The following XIRP2 variants were observed in gnomAD, a reference collection of about 807,000 sequenced individuals.
XIRP2 encodes the protein xin actin binding repeat containing 2, also known as xin actin-binding repeat-containing protein 2.
A neutral mutation model predicts 277.0 loss-of-function variants in XIRP2; 236 were observed. That is an observed-to-expected ratio of 0.85 (90% CI 0.77 to 0.95). XIRP2 has a LOEUF of 0.95. Ranked by LOEUF, XIRP2 falls within the 40% of genes least tolerant of loss-of-function variation. The probability of loss-of-function intolerance (pLI) is 0.00; values close to 1 mark genes in which losing one functional copy is unlikely to be tolerated. For missense variants in XIRP2, 4,640 were observed against 4,157.5 expected (o/e 1.12, Z -3.19); for synonymous variants, 1,490 against 1,416.5 (o/e 1.05, Z -1.17).
intron 2 of XIRP2, among the ~76,000 whole-genome samples, chr2:167,080,891 AT>A (rs1253025912): frequency 2.0e-5 from 3 of 152,128 alleles, no homozygotes; most frequent in African/African-American, 7.2e-5. Flanking sequence ...ATATTTTATA[AT>A]TTCTAAAATA....
chr2:167,234,322 G>A lies in XIRP2; in HGVS notation c.859-5533G>A, dbSNP rs73029745. Among the ~76,000 whole-genome samples the A allele has an allele frequency of 4.1e-3, 624 of 151,208 alleles. 5 individuals carry two copies. Among genetic ancestry groups the A allele is most frequent in the African/African-American group, 0.015 (611 of 41,368 alleles). ...TATGCAATATATCTGCATAATTCAT[G>A]CTTTGGTATATATTTGGCATTCTTG... On this transcript the variant is annotated intron_variant, in intron 5 of 10. Coordinates refer to ENST00000409195, the MANE Select transcript of XIRP2 (RefSeq NM_152381.6).
In XIRP2 at chr2:167,244,299, A is replaced by G. The variant is rs763389792; in HGVS notation, c.2907A>G (p.Glu969=). 4.5e-5 allele frequency: 73 copies of G among 1,613,800 alleles called. No individual in the cohort carries two copies. The Admixed American group carries it at 5.3e-4, about 12-fold the overall frequency. Residue 969 remains glutamate (E), a synonymous_variant, in exon 9 of 11, where the codon GAA becomes GAG. Transcript: ENST00000409195. ...ATGCATCACATAAAATAGAGGTGGAAGGAGTTACAAGAGGTGCTGTAGAGT... is the reference window on the plus strand; with the variant it reads ...ATGCATCACATAAAATAGAGGTGGAGGGAGTTACAAGAGGTGCTGTAGAGT... ...KFDASHKIEV[E]GVTRGAVELN...
chr2:167,159,681 T>TAA (rs149003264), intron 3 of XIRP2, among the ~76,000 whole-genome samples: 45 of 152,054 alleles, frequency 3.0e-4, no homozygotes, highest in South Asian at 6.2e-4. Flanking sequence ...TTCATTAAAA[T>TAA]AAAAAAACAA....
Position 167,217,101 on chromosome 2 carries a change from G to A in XIRP2, c.724-1065G>A, listed in dbSNP as rs1434158762. Among the ~76,000 whole-genome samples, 5 of 142,266 alleles carry A rather than the reference G, an allele frequency of 3.5e-5. 1 individual carries two copies. Among genetic ancestry groups the A allele is most frequent in the African/African-American group, 1.3e-4 (5 of 37,172 alleles). 93.3% of individuals were successfully genotyped at this position (142,266 alleles called of 152,430 possible). On this transcript the variant is annotated intron_variant, in intron 4 of 10. Coordinates refer to ENST00000409195, the MANE Select transcript of XIRP2 (RefSeq NM_152381.6). ...TGAACAATGAGATCACATGGTCACA[G>A]GAAGGGGAATATCACACTCTGGGGA... is the stretch of plus-strand genomic sequence containing the variant.
intron 3 of XIRP2, among the ~76,000 whole-genome samples, chr2:167,159,145 G>A (rs73019954): frequency 1.2e-4 from 19 of 152,140 alleles, no homozygotes; most frequent in East Asian, 7.8e-4. Flanking sequence ...TTGGTATACC[G>A]GGGGAGGAAC....
At chr2:167,036,140 G>A (rs1688500891) in intron 2 of XIRP2, among the ~76,000 whole-genome samples, 1 of 152,234 alleles carries the variant, frequency 6.6e-6, no homozygotes, top group African/African-American at 2.4e-5. Context: ...CGGTGTGGAA[G>A]GGAAATATGA....
intron 3 of XIRP2, among the ~76,000 whole-genome samples, chr2:167,202,302 T>C (rs1693742752): frequency 6.6e-6 from 1 of 152,214 alleles, no homozygotes; most frequent in South Asian, 2.1e-4. Context: ...GATTAGATTT[T>C]CGTATATGCC....
At position 167,135,943 on chromosome 2, in the gene XIRP2, C is replaced by G. The variant is rs755576711; in HGVS notation, c.443C>G (p.Ala148Gly). ...VEIERSLCSPAFKSHPGSQLE... is the reference protein window; with the variant it reads ...VEIERSLCSPGFKSHPGSQLE... The stretch of plus-strand genomic sequence containing the variant: ...ATTGAGCGAAGTTTGTGCTCGCCAG[C>G]TTTTAAGAGTCACCCTGGGAGCCAG... Residue 148 changes from alanine (A) to glycine (G), a missense_variant, in exon 3 of 11, where the codon GCT becomes GGT. Ala to Gly is a moderately conservative substitution (Grantham distance 60). Coordinates refer to ENST00000409195, the MANE Select transcript of XIRP2 (RefSeq NM_152381.6). 7.5e-6 allele frequency: 12 copies of G among 1,605,660 alleles called. No individual in the cohort carries two copies. In the African/African-American group the frequency reaches 1.2e-4, roughly 16 times the overall value.
At chr2:167,226,782 C>T (rs1189188101) in intron 5 of XIRP2, among the ~76,000 whole-genome samples, 1 of 152,106 alleles carries the variant, frequency 6.6e-6, no homozygotes, top group African/African-American at 2.4e-5. Flanking sequence ...GTTCCCACAT[C>T]TCTCTGGGCC....
At chr2:166,891,279 A>G (rs1684097744) in intron 1 of XIRP2, among the ~76,000 whole-genome samples, 1 of 152,226 alleles carries the variant, frequency 6.6e-6, no homozygotes, top group South Asian at 2.1e-4. Context: ...TGGTTCACTT[A>G]ATAAATGTGA....
intron 2 of XIRP2, among the ~76,000 whole-genome samples, chr2:167,077,543 C>T (rs1368495068): frequency 2.6e-5 from 4 of 152,018 alleles, no homozygotes; most frequent in African/African-American, 9.7e-5. Flanking sequence ...AATGGAAGGG[C>T]ATAGGAACTG....
At chr2:167,024,045 G>A (rs1043390914) in intron 2 of XIRP2, among the ~76,000 whole-genome samples, 2 of 152,068 alleles carry the variant, frequency 1.3e-5, no homozygotes, top group Non-Finnish European at 2.9e-5. Context: ...ATTACCTTGT[G>A]CAGTATGGCC....
intron 2 of XIRP2, among the ~76,000 whole-genome samples, chr2:167,068,411 C>A (rs779148268): frequency 6.6e-6 from 1 of 152,140 alleles, no homozygotes; most frequent in Non-Finnish European, 1.5e-5. Flanking sequence ...GTTTTATCTC[C>A]TGATTTTCAG....
intron 2 of XIRP2, among the ~76,000 whole-genome samples, chr2:166,911,975 C>G (rs1684718114): frequency 1.3e-5 from 2 of 152,210 alleles, no homozygotes; most frequent in African/African-American, 4.8e-5. Flanking sequence ...GCCGAGAGAT[C>G]CACTGTTAGT....
intron 3 of XIRP2, among the ~76,000 whole-genome samples, chr2:167,201,156 A>AAGAG (rs752394823): frequency 2.8e-5 from 4 of 142,854 alleles, no homozygotes; most frequent in African/African-American, 1.0e-4. Context: ...GAGGGAGGGA[A>AAGAG]AGAGAGAGAG....
At chr2:166,940,508 G>A (rs897627816) in intron 2 of XIRP2, among the ~76,000 whole-genome samples, 2 of 152,182 alleles carry the variant, frequency 1.3e-5, no homozygotes, top group East Asian at 3.9e-4. Flanking sequence ...TTCCTTTGGA[G>A]GTGGAGAGTC....
At chr2:167,025,240 G>A (rs1324496192) in intron 2 of XIRP2, among the ~76,000 whole-genome samples, 7 of 152,218 alleles carry the variant, frequency 4.6e-5, no homozygotes, top group Non-Finnish European at 7.4e-5. Context: ...GTTTATTTGC[G>A]AAGAGGTGTT....
chr2:166,939,581 G>A (rs1161332493), intron 2 of XIRP2, among the ~76,000 whole-genome samples: 11 of 151,196 alleles, frequency 7.3e-5, no homozygotes, highest in African/African-American at 2.7e-4. Flanking sequence ...TCGGGAGGCT[G>A]GGGCAGGAGA....
intron 3 of XIRP2, among the ~76,000 whole-genome samples, chr2:167,177,813 CATATGTAT>C: frequency 6.6e-6 from 1 of 152,196 alleles, no homozygotes; most frequent in Non-Finnish European, 1.5e-5. Context: ...CAATATCTCT[CATATGTAT>C]TAGAGGCATG....
Sources: gnomAD v4.1 joint callset for allele counts (sites outside exome capture counted in the v4.1 genomes callset) on GRCh38, gnomAD v4.1.1 for gene constraint, MANE v1.5 for transcripts, NCBI Gene and HGNC (gene_info 2026-07-23, HGNC 2026-07-21) for gene names.